SPICE1: variants seen among roughly 807,000 people sequenced by gnomAD.
The protein encoded by SPICE1 is spindle and centriole associated protein 1, also known as spindle and centriole-associated protein 1.
Under a neutral mutation model 102.7 loss-of-function variants are expected in SPICE1, and 75 were observed. The ratio of observed to expected loss-of-function variants is 0.73; its 90% CI spans 0.61 to 0.88. SPICE1 has a LOEUF of 0.88. SPICE1 is among the 40% of genes least tolerant of loss of function. SPICE1 has a pLI of 0.00. For synonymous variants in SPICE1, 308 were observed against 350.3 expected, an observed-to-expected ratio of 0.88 and a Z score of 1.35; for missense variants, 979 against 1,020.1, an observed-to-expected ratio of 0.96 and a Z score of 0.55.
intron 11 of SPICE1, among the ~76,000 whole-genome samples, chr3:113,465,009 G>A (rs1025487619): frequency 5.9e-5 from 9 of 151,792 alleles, no homozygotes; most frequent in African/African-American, 2.2e-4. Flanking sequence ...GGGAGGCTAA[G>A]GTGGGAGGAT....
At chr3:113,448,184 A>G in intron 15 of SPICE1, 44 bp from the exon 16 acceptor site, 5 of 1,494,784 alleles carry the variant, frequency 3.3e-6, no homozygotes, top group South Asian at 1.3e-5. Flanking sequence ...CTTTCAATGA[A>G]ATAAAAATTT....
At chr3:113,463,618 T>C (rs1935984173) in intron 11 of SPICE1, among the ~76,000 whole-genome samples, 1 of 152,236 alleles carries the variant, frequency 6.6e-6, no homozygotes, top group Non-Finnish European at 1.5e-5. Flanking sequence ...ATGCTAAACA[T>C]AAATTAACCT....
rs1937119902 is a variant in SPICE1 at position 113,506,690 on chromosome 3, A to G, written c.1-85T>C. On this transcript the variant is annotated intron_variant, in intron 1 of 17. Transcript: ENST00000295872. ...GAGTGGGGGAAGACACCTGAAAAAA[A>G]AAACAAATTTTAAAATGCCAGAAGA... The G allele has an allele frequency of 2.8e-6, 3 of 1,061,498 alleles. No homozygotes were observed. The South Asian group carries it at 4.4e-5, about 16-fold the overall frequency. The allele number at this position is 1,061,498 out of a possible 1,614,324, so 65.8% of individuals were successfully genotyped here. A position where few individuals can be genotyped will look rare whatever the true frequency, so the allele number is the denominator to read the frequency against.
At chr3:113,454,392 C>T (rs886708819) in intron 13 of SPICE1, among the ~76,000 whole-genome samples, 2 of 152,030 alleles carry the variant, frequency 1.3e-5, no homozygotes, top group African/African-American at 4.8e-5. Context: ...GGGGTATGTA[C>T]TGTGAAAGCT....
intron 6 of SPICE1, among the ~76,000 whole-genome samples, chr3:113,492,421 C>T (rs767990510): frequency 6.6e-6 from 1 of 151,960 alleles, no homozygotes; most frequent in Admixed American, 6.6e-5. Context: ...AAATTATTCA[C>T]GGGCTTTAAA....
Position 113,446,656 on chromosome 3 carries a change from T to C in SPICE1, c.2447A>G (p.Asn816Ser). ...NTRRSSGATG[N>S]SCSPLNATSG... ...GGTGGCATTTAGTGGAGAACAAGAATTACCAGTAGCCCCGGAAGATCTATT... is the reference window on the plus strand; with the variant it reads ...GGTGGCATTTAGTGGAGAACAAGAACTACCAGTAGCCCCGGAAGATCTATT... Residue 816 changes from asparagine to serine, a missense_variant, in exon 17 of 18, where the codon AAT becomes AGT. Physicochemically the swap from Asn to Ser is conservative, Grantham distance 46 (BLOSUM62 1). Transcript: ENST00000295872. 1 of 1,613,506 alleles carries C rather than the reference T, an allele frequency of 6.2e-7. No individual in the cohort carries two copies. Among genetic ancestry groups the C allele is most frequent in the Non-Finnish European group, 8.5e-7 (1 of 1,179,644 alleles).
chr3:113,484,678 T>C (rs550843733), intron 7 of SPICE1, among the ~76,000 whole-genome samples: 2 of 144,838 alleles, frequency 1.4e-5, no homozygotes, highest in Non-Finnish European at 3.1e-5. Context: ...TTCCACGTAG[T>C]TGTGCGGTTT....
intron 12 of SPICE1, among the ~76,000 whole-genome samples, chr3:113,459,267 A>C (rs1576625170): frequency 6.6e-6 from 1 of 152,306 alleles, no homozygotes; most frequent in South Asian, 2.1e-4. Context: ...GTACCCAGGG[A>C]CACAAACACT....
intron 11 of SPICE1, among the ~76,000 whole-genome samples, chr3:113,465,100 C>CAAAAAAAAA (rs35595850): frequency 1.5e-5 from 2 of 131,384 alleles, no homozygotes; most frequent in Non-Finnish European, 1.7e-5. Context: ...GACACCATCT[C>CAAAAAAAAA]AAAAAAAAAA....
intron 11 of SPICE1, among the ~76,000 whole-genome samples, chr3:113,465,367 TAAC>T (rs913553230): frequency 6.6e-6 from 1 of 152,222 alleles, no homozygotes; most frequent in Non-Finnish European, 1.5e-5. Flanking sequence ...CATTTTGGAT[TAAC>T]TACTGTAACA....
chr3:113,474,841 G>T (rs187648721), intron 7 of SPICE1, among the ~76,000 whole-genome samples: 27,166 of 152,062 alleles, frequency 0.18, 3,162 homozygotes, highest in East Asian at 0.42. Context: ...AAGCAGGAAA[G>T]ATCCAAAATT....
chr3:113,475,564 C>A (rs909583183), intron 7 of SPICE1, among the ~76,000 whole-genome samples: 15 of 152,054 alleles, frequency 9.9e-5, no homozygotes, highest in African/African-American at 3.6e-4. Flanking sequence ...AATCCAGCAG[C>A]ACATCAAAAA....
chr3:113,502,920 A>G (rs1203197866), intron 3 of SPICE1, among the ~76,000 whole-genome samples: 1 of 151,396 alleles, frequency 6.6e-6, no homozygotes, highest in Non-Finnish European at 1.5e-5. Flanking sequence ...AGATAGATAT[A>G]TATCAGGCAG....
intron 7 of SPICE1, among the ~76,000 whole-genome samples, chr3:113,485,672 A>C (rs926861461): frequency 6.6e-6 from 1 of 152,136 alleles, no homozygotes; most frequent in Non-Finnish European, 1.5e-5. Context: ...TTAAACATCT[A>C]TGCCTGACGG....
intron 7 of SPICE1, among the ~76,000 whole-genome samples, chr3:113,484,433 T>A (rs1406246355): frequency 2.0e-5 from 3 of 152,166 alleles, no homozygotes; most frequent in African/African-American, 7.2e-5. Flanking sequence ...TTTGAATTTG[T>A]TTGCTCTTGC....
chr3:113,447,674 T>C (rs1044847263), intron 16 of SPICE1, among the ~76,000 whole-genome samples: 14 of 152,168 alleles, frequency 9.2e-5, no homozygotes, highest in African/African-American at 3.1e-4. Flanking sequence ...ATGACCCATC[T>C]AGACAAATCA....
At chr3:113,505,421 C>T (rs1034486268) in intron 2 of SPICE1, among the ~76,000 whole-genome samples, 1 of 152,100 alleles carries the variant, frequency 6.6e-6, no homozygotes, top group Non-Finnish European at 1.5e-5. Flanking sequence ...ACAGAGAAGT[C>T]CCGCTGCCCC....
chr3:113,487,118 C>T (rs2107488677), intron 7 of SPICE1, among the ~76,000 whole-genome samples: 1 of 152,014 alleles, frequency 6.6e-6, no homozygotes, highest in East Asian at 1.9e-4. Flanking sequence ...AATACAATAA[C>T]CTTTTAGAAA....
intron 4 of SPICE1, among the ~76,000 whole-genome samples, chr3:113,498,122 C>T (rs1050796151): frequency 3.9e-5 from 6 of 152,050 alleles, no homozygotes; most frequent in Admixed American, 1.3e-4. Flanking sequence ...GTGATCTGCC[C>T]GCCTTGGCCT....
Sources: allele counts gnomAD v4.1 joint callset (sites outside exome capture counted in the v4.1 genomes callset), GRCh38; gene constraint gnomAD v4.1.1; transcripts MANE v1.5; gene names NCBI Gene and HGNC (gene_info 2026-07-23, HGNC 2026-07-21).